CADM1: variants seen among roughly 807,000 people sequenced by gnomAD.
CADM1 encodes the protein cell adhesion molecule 1, also known as TSLC-1.
A neutral mutation model predicts 53.1 loss-of-function variants in CADM1; 15 were observed. The ratio of observed to expected loss-of-function variants is 0.28; its 90% confidence interval spans 0.19 to 0.44. The LOEUF is 0.44. Among genes scored for constraint, CADM1 ranks in the 20% least tolerant of loss-of-function variants. CADM1 has a pLI of 1.00. For missense variants in CADM1, 434 were observed against 611.3 expected (o/e 0.71, Z 3.06); for synonymous variants, 281 against 243.0 (o/e 1.16, Z -1.45).
chr11:115,268,114 T>C (rs1269385848), intron 1 of CADM1, among the ~76,000 whole-genome samples: 1 of 152,204 alleles, frequency 6.6e-6, no homozygotes, highest in Non-Finnish European at 1.5e-5. Flanking sequence ...TGGGTTTGCA[T>C]TGAATCATTC....
At chr11:115,499,621 G>T (rs1949690073) in intron 1 of CADM1, among the ~76,000 whole-genome samples, 1 of 152,234 alleles carries the variant, frequency 6.6e-6, no homozygotes, top group African/African-American at 2.4e-5. Flanking sequence ...GGAACAGAAG[G>T]TCCACTGGCT....
chr11:115,311,805 C>T (rs532504442), intron 1 of CADM1, among the ~76,000 whole-genome samples: 1 of 152,062 alleles, frequency 6.6e-6, no homozygotes, highest in Non-Finnish European at 1.5e-5. Flanking sequence ...TGTATGTTTT[C>T]TTGATTTTTA....
intron 1 of CADM1, among the ~76,000 whole-genome samples, chr11:115,242,563 C>T (rs911261746): frequency 3.3e-5 from 5 of 152,106 alleles, no homozygotes; most frequent in East Asian, 1.9e-4. Context: ...AGGTAATGCG[C>T]GATCTACTAA....
chr11:115,496,112 A>G lies in CADM1; in HGVS notation c.124+8159T>C, dbSNP rs559001468. On this transcript the variant is annotated intron_variant, in intron 1 of 11. Coordinates refer to ENST00000331581, the MANE Select transcript of CADM1 (RefSeq NM_001301043.2). ...TACCAAATGGAGACAATACATTTTC[A>G]TGAATGTATTGTTTTAAATTTTCAC... Among the ~76,000 whole-genome samples the G allele has an allele frequency of 7.2e-5, 11 of 152,370 alleles. No homozygotes were observed. The East Asian group carries it at 2.1e-3, about 29-fold the overall frequency.
chr11:115,452,074 C>T (rs1012517914), intron 1 of CADM1, among the ~76,000 whole-genome samples: 5 of 147,422 alleles, frequency 3.4e-5, no homozygotes, highest in African/African-American at 7.5e-5. Flanking sequence ...GAAGGTACTC[C>T]ATTTACTTGT....
rs140041892 is a variant in CADM1, at chr11:115,275,823, C to T, written c.125-35403G>A. Among the ~76,000 whole-genome samples the T allele has an allele frequency of 2.5e-3, 375 of 152,248 alleles. 2 individuals carry two copies. Among genetic ancestry groups the T allele is most frequent in the Admixed American group, 6.3e-3 (97 of 15,302 alleles). On this transcript the variant is annotated intron_variant, in intron 1 of 11. Coordinates refer to ENST00000331581, the MANE Select transcript of CADM1 (RefSeq NM_001301043.2). ...CTTGCTACTTAAGGTTCCACGTTTCCTGTTTTCCACTAACGGAGACATATT... is the reference window on the plus strand; with the variant it reads ...CTTGCTACTTAAGGTTCCACGTTTCTTGTTTTCCACTAACGGAGACATATT...
At chr11:115,276,900 T>A (rs1176463652) in intron 1 of CADM1, among the ~76,000 whole-genome samples, 1 of 152,176 alleles carries the variant, frequency 6.6e-6, no homozygotes, top group African/African-American at 2.4e-5. Flanking sequence ...GTCCCCTGTT[T>A]CTTCCCTGCA....
In CADM1 at chr11:115,340,656, A is replaced by ATTTTT. The variant is rs1365807207; in HGVS notation, c.125-100237_125-100236insAAAAA. Among the ~76,000 whole-genome samples, 97 of 52,338 alleles carry ATTTTT rather than the reference A, an allele frequency of 1.9e-3. 1 individual carries two copies. The highest frequency in any genetic ancestry group is 4.9e-3 in the African/African-American group (51 of 10,452). The allele number at this position is 52,338 out of a possible 152,430, so 34.3% of individuals were successfully genotyped here. A position where few individuals can be genotyped will look rare whatever the true frequency, so the allele number is the denominator to read the frequency against. On this transcript the variant is annotated intron_variant, in intron 1 of 11. Transcript: ENST00000331581. ...TATATATATATATATATATATATAT[A>ATTTTT]TATTTTTTTTTTTTTTTTTTTTGAG...
At chr11:115,302,001 A>G (rs1007865024) in intron 1 of CADM1, among the ~76,000 whole-genome samples, 3 of 152,118 alleles carry the variant, frequency 2.0e-5, no homozygotes, top group Non-Finnish European at 2.9e-5. Context: ...ATATATGTAC[A>G]TGTAAAAATG....
intron 1 of CADM1, among the ~76,000 whole-genome samples, chr11:115,367,870 T>G (rs967441628): frequency 5.3e-5 from 8 of 152,096 alleles, no homozygotes; most frequent in Non-Finnish European, 1.2e-4. Context: ...ATTTTCCATA[T>G]GAGATGATTT....
At position 115,238,558 on chromosome 11, in the gene CADM1, G is replaced by A; in HGVS notation, c.366C>T (p.Tyr122=). The A allele has an allele frequency of 6.2e-7, 1 of 1,613,932 alleles. No homozygotes were observed. Among genetic ancestry groups the A allele is most frequent in the African/African-American group, 1.3e-5 (1 of 75,006 alleles). Residue 122 remains tyrosine, a synonymous_variant, in exon 3 of 12, where the codon TAC becomes TAT. Coordinates refer to ENST00000331581, the MANE Select transcript of CADM1 (RefSeq NM_001301043.2). Reference sequence around the variant, plus strand: ...GGGGATCGGTATAGAGCTGGCAAAAGTATCTTCCTTCATCAGAAATTGAGA... The same window carrying A: ...GGGGATCGGTATAGAGCTGGCAAAAATATCTTCCTTCATCAGAAATTGAGA... ...TNVSISDEGR[Y]FCQLYTDPPQ... is the part of the protein sequence containing the mutation.
chr11:115,437,598 G>T (rs1046188317), intron 1 of CADM1, among the ~76,000 whole-genome samples: 1 of 152,138 alleles, frequency 6.6e-6, no homozygotes, highest in Non-Finnish European at 1.5e-5. Context: ...ATACCAAAGC[G>T]ATGGGCAAAT....
At chr11:115,502,416 G>T (rs1435497711) in intron 1 of CADM1, among the ~76,000 whole-genome samples, 1 of 128,036 alleles carries the variant, frequency 7.8e-6, no homozygotes, top group Non-Finnish European at 1.6e-5. Context: ...CTTTACTCAC[G>T]CTCACGTTTA....
intron 1 of CADM1, among the ~76,000 whole-genome samples, chr11:115,339,060 C>A (rs1414452164): frequency 8.6e-6 from 1 of 115,840 alleles, no homozygotes; most frequent in Non-Finnish European, 1.8e-5. Context: ...CCGACCCCAC[C>A]ACAGTCCCCA....
chr11:115,273,713 C>T (rs774518236), intron 1 of CADM1, among the ~76,000 whole-genome samples: 1 of 152,136 alleles, frequency 6.6e-6, no homozygotes, highest in Non-Finnish European at 1.5e-5. Flanking sequence ...TTTCTACATG[C>T]GAAGCCATTA....
chr11:115,173,282 G>C lies in CADM1; in HGVS notation c.*3192C>G, dbSNP rs1938861085. On this transcript the variant is annotated 3_prime_UTR_variant, in exon 12 of 12. Transcript: ENST00000331581. ...GGGGGGGCGGTGAGAGAGGGGATGA[G>C]TGCGGAAGACACATCTACGGGAGCG... is the stretch of plus-strand genomic sequence containing the variant. 1 of 152,394 alleles carries C rather than the reference G, an allele frequency of 6.6e-6. No individual in the cohort carries two copies. Among genetic ancestry groups the C allele is most frequent in the Non-Finnish European group, 1.5e-5 (1 of 68,166 alleles). The allele number at this position is 152,394 out of a possible 1,614,324, so 9.4% of individuals were successfully genotyped here.
chr11:115,265,519 A>G (rs1943109901), intron 1 of CADM1, among the ~76,000 whole-genome samples: 1 of 152,170 alleles, frequency 6.6e-6, no homozygotes, highest in Non-Finnish European at 1.5e-5. Flanking sequence ...CGCTTTTGGT[A>G]TGTATTTCTC....
chr11:115,316,187 C>CT (rs1292397440), intron 1 of CADM1, among the ~76,000 whole-genome samples: 1 of 152,176 alleles, frequency 6.6e-6, no homozygotes, highest in East Asian at 1.9e-4. Flanking sequence ...AGTTATTTGG[C>CT]TTTGGGGGAC....
intron 1 of CADM1, among the ~76,000 whole-genome samples, chr11:115,320,111 C>T (rs550958888): frequency 1.3e-5 from 2 of 152,156 alleles, no homozygotes; most frequent in Admixed American, 6.5e-5. Context: ...TCACCCAGGC[C>T]GGAGTGCAGT....
Sources: allele counts gnomAD v4.1 joint callset (sites outside exome capture counted in the v4.1 genomes callset), GRCh38; gene constraint gnomAD v4.1.1; transcripts MANE v1.5; gene names NCBI Gene and HGNC (gene_info 2026-07-23, HGNC 2026-07-21).